The following CNTN5 variants were observed in gnomAD, a reference collection of about 807,000 sequenced individuals.
The protein encoded by CNTN5 is contactin-5.
Under a neutral mutation model 129.1 loss-of-function variants are expected in CNTN5, and 77 were observed. The ratio of observed to expected loss-of-function variants is 0.60; its 90% CI spans 0.50 to 0.72. CNTN5 has a LOEUF of 0.72. Among genes scored for constraint, CNTN5 ranks in the 30% least tolerant of loss-of-function variants. CNTN5 has a pLI of 0.00. For missense variants in CNTN5, 1,478 were observed against 1,328.8 expected (o/e 1.11, Z -1.75); for synonymous variants, 509 against 465.6 (o/e 1.09, Z -1.20).
intron 3 of CNTN5, among the ~76,000 whole-genome samples, chr11:99,733,075 C>T (rs918353703): frequency 2.0e-5 from 3 of 152,016 alleles, no homozygotes; most frequent in Non-Finnish European, 4.4e-5. Flanking sequence ...CCTGTCATCC[C>T]TGCATTTTGG....
chr11:99,543,928 A>G (rs1339184291), intron 2 of CNTN5, among the ~76,000 whole-genome samples: 32 of 126,668 alleles, frequency 2.5e-4, no homozygotes, highest in Admixed American at 9.3e-4. Context: ...CAAAAAAACA[A>G]AAAAAAAAAA....
intron 6 of CNTN5, among the ~76,000 whole-genome samples, chr11:99,882,711 A>G (rs1213463542): frequency 1.3e-5 from 2 of 152,174 alleles, no homozygotes; most frequent in Non-Finnish European, 2.9e-5. Context: ...GTTAAAAACA[A>G]TCCAATTATA....
In CNTN5 at chr11:99,885,573, T is replaced by G. The variant is rs182330894; in HGVS notation, c.578-30481T>G. 5.9e-3 allele frequency among the ~76,000 whole-genome samples: 893 copies of G among 152,266 alleles called. 13 individuals are homozygous for G. The highest frequency in any genetic ancestry group is 0.02 in the African/African-American group (847 of 41,550). ...TCAAGGAAGGATTAAAATTTTTATC[T>G]CAGGCAAAAATAATCCTAACAGGAA... On this transcript the variant is annotated intron_variant, in intron 6 of 24. Transcript: ENST00000524871.
At chr11:99,713,051 T>C (rs563044693) in intron 3 of CNTN5, among the ~76,000 whole-genome samples, 22 of 152,290 alleles carry the variant, frequency 1.4e-4, no homozygotes, top group South Asian at 8.3e-4. Context: ...GGGGATAGCA[T>C]TGAATCTATA....
intron 13 of CNTN5, among the ~76,000 whole-genome samples, chr11:100,107,246 T>A (rs1403186893): frequency 6.6e-6 from 1 of 152,122 alleles, no homozygotes; most frequent in Non-Finnish European, 1.5e-5. Flanking sequence ...CCAGGTATCC[T>A]GCAGATTTTG....
At chr11:99,150,549 T>C (rs2135486559) in intron 1 of CNTN5, among the ~76,000 whole-genome samples, 1 of 152,108 alleles carries the variant, frequency 6.6e-6, no homozygotes, top group South Asian at 2.1e-4. Context: ...TTGAAGAAAA[T>C]AATAATTAAT....
chr11:99,679,589 C>T (rs1591468894), intron 3 of CNTN5, among the ~76,000 whole-genome samples: 2 of 152,290 alleles, frequency 1.3e-5, no homozygotes, highest in Non-Finnish European at 2.9e-5. Flanking sequence ...GTTCTGACTG[C>T]TCCACTGCAG....
intron 13 of CNTN5, among the ~76,000 whole-genome samples, chr11:100,186,042 C>G (rs1173976305): frequency 6.6e-6 from 1 of 152,104 alleles, no homozygotes; most frequent in Non-Finnish European, 1.5e-5. Flanking sequence ...TGTGTAGTAT[C>G]TGACAAGTAA....
At chr11:99,511,531 T>C (rs1009998449) in intron 2 of CNTN5, among the ~76,000 whole-genome samples, 2 of 152,044 alleles carry the variant, frequency 1.3e-5, no homozygotes, top group Admixed American at 1.3e-4. Flanking sequence ...TGATTTGGGG[T>C]GGAGAGTTCT....
intron 1 of CNTN5, among the ~76,000 whole-genome samples, chr11:99,294,653 A>T (rs535881893): frequency 1.3e-5 from 2 of 152,372 alleles, no homozygotes; most frequent in Non-Finnish European, 2.9e-5. Flanking sequence ...ACAAAACTGT[A>T]AACATGGCTA....
At chr11:99,295,799 C>A (rs549258765) in intron 1 of CNTN5, among the ~76,000 whole-genome samples, 1 of 150,860 alleles carries the variant, frequency 6.6e-6, no homozygotes, top group Non-Finnish European at 1.5e-5. Context: ...TGGCGTGAAC[C>A]CAGGAAGCAG....
intron 18 of CNTN5, among the ~76,000 whole-genome samples, chr11:100,276,548 A>C (rs913197049): frequency 6.7e-6 from 1 of 149,294 alleles, no homozygotes; most frequent in Non-Finnish European, 1.5e-5. Flanking sequence ...AAAAAAAAAA[A>C]AAAAGGAAAG....
At chr11:100,019,079 T>G (rs1940984134) in intron 9 of CNTN5, among the ~76,000 whole-genome samples, 1 of 151,948 alleles carries the variant, frequency 6.6e-6, no homozygotes, top group African/African-American at 2.4e-5. Context: ...CGCAAATATT[T>G]TCTCCCACTC....
chr11:100,059,286 C>T (rs1943364790), intron 9 of CNTN5, among the ~76,000 whole-genome samples: 1 of 151,990 alleles, frequency 6.6e-6, no homozygotes, highest in African/African-American at 2.4e-5. Context: ...CAAAATGCTA[C>T]CAAATACTTC....
At chr11:100,136,715 C>G (rs192741262) in intron 13 of CNTN5, among the ~76,000 whole-genome samples, 31 of 151,252 alleles carry the variant, frequency 2.0e-4, no homozygotes, top group Non-Finnish European at 3.7e-4. Flanking sequence ...TATGTGTATG[C>G]CCAGTATGGA....
chr11:99,836,961 AGAT>A (rs1222413600), intron 4 of CNTN5, among the ~76,000 whole-genome samples: 1 of 152,168 alleles, frequency 6.6e-6, no homozygotes, highest in East Asian at 1.9e-4. Context: ...GTAGCAGTGA[AGAT>A]GACCAGAGGT....
intron 13 of CNTN5, among the ~76,000 whole-genome samples, chr11:100,099,084 C>T (rs1279433113): frequency 6.6e-6 from 1 of 152,016 alleles, no homozygotes; most frequent in Admixed American, 6.6e-5. Flanking sequence ...GGGATATTTG[C>T]AGCCAATTTT....
At chr11:100,043,959 T>G (rs1942512192) in intron 9 of CNTN5, among the ~76,000 whole-genome samples, 1 of 152,094 alleles carries the variant, frequency 6.6e-6, no homozygotes, top group South Asian at 2.1e-4. Flanking sequence ...TGTGTAGTGG[T>G]GAAGTGTGTT....
chr11:99,064,015 T>G (rs1373628701), intron 1 of CNTN5, among the ~76,000 whole-genome samples: 1 of 152,142 alleles, frequency 6.6e-6, no homozygotes, highest in African/African-American at 2.4e-5. Flanking sequence ...ATTGATTCAT[T>G]CATCCAGAAT....
Sources: gnomAD v4.1 joint callset for allele counts (sites outside exome capture counted in the v4.1 genomes callset) on GRCh38, gnomAD v4.1.1 for gene constraint, MANE v1.5 for transcripts, NCBI Gene and HGNC (gene_info 2026-07-23, HGNC 2026-07-21) for gene names.